CDH13: variants seen among roughly 807,000 people sequenced by gnomAD.
The protein encoded by CDH13 is cadherin 13, also known as cadherin-13.
A neutral mutation model predicts 63.8 loss-of-function variants in CDH13; 24 were observed. That is an observed-to-expected ratio of 0.38 (90% CI 0.27 to 0.53). The LOEUF (loss-of-function observed/expected upper bound fraction) is 0.53. Among genes scored for constraint, CDH13 ranks in the 20% least tolerant of loss-of-function variants. The probability of loss-of-function intolerance (pLI) is 0.85; values close to 1 mark genes in which losing one functional copy is unlikely to be tolerated. For synonymous variants in CDH13, 503 were observed against 355.3 expected (o/e 1.42, Z -4.67); for missense variants, 1,049 against 903.1 (o/e 1.16, Z -2.07).
intron 1 of CDH13, among the ~76,000 whole-genome samples, chr16:82,701,414 A>T (rs2150991580): frequency 1.3e-5 from 2 of 152,206 alleles, no homozygotes; most frequent in East Asian, 3.9e-4. Flanking sequence ...TGGGTGTTTG[A>T]CATGCATTGT....
chr16:82,934,180 A>G (rs2042592004), intron 2 of CDH13, among the ~76,000 whole-genome samples: 1 of 152,236 alleles, frequency 6.6e-6, no homozygotes, highest in Admixed American at 6.5e-5. Context: ...CTGGACATCC[A>G]GGCATTTCCA....
chr16:82,921,933 AT>A (rs2042168606), intron 2 of CDH13, among the ~76,000 whole-genome samples: 1 of 151,990 alleles, frequency 6.6e-6, no homozygotes, highest in African/African-American at 2.4e-5. Flanking sequence ...TATTATTATT[AT>A]TTGTTTTTAA....
intron 2 of CDH13, among the ~76,000 whole-genome samples, chr16:82,975,166 G>C (rs528719363): frequency 2.0e-4 from 30 of 152,378 alleles, no homozygotes; most frequent in Non-Finnish European, 4.4e-5. Context: ...TGGTTGAGGT[G>C]AGATGGGGGA....
rs115788961 is a variant in CDH13, at chr16:83,081,751, G to A, written c.367-43634G>A. Among the ~76,000 whole-genome samples the A allele has an allele frequency of 3.8e-3, 572 of 152,122 alleles. 6 individuals are homozygous for A. Among genetic ancestry groups the A allele is most frequent in the African/African-American group, 0.013 (538 of 41,492 alleles). On this transcript the variant is annotated intron_variant, in intron 3 of 13. Transcript: ENST00000567109. ...CTCGCAAGGATCATCTCCTTAGAAT[G>A]GTACTAATTCCATCATCGGGTTCCA... is the stretch of plus-strand genomic sequence containing the variant.
rs146073702 is a variant in CDH13, at chr16:82,828,707, T to C, written c.46-29655T>C. On this transcript the variant is annotated intron_variant, in intron 1 of 13. Transcript: ENST00000567109. ...ACACAAACATATATATATACATATA[T>C]ACACACACACATTCAAAGAAAAAAT... Among the ~76,000 whole-genome samples the C allele has an allele frequency of 6.0e-3, 911 of 151,950 alleles. 20 individuals are homozygous for C. Among genetic ancestry groups the C allele is most frequent in the African/African-American group, 0.021 (873 of 41,410 alleles).
At chr16:83,157,647 C>A (rs376746643) in intron 4 of CDH13, among the ~76,000 whole-genome samples, 1 of 151,050 alleles carries the variant, frequency 6.6e-6, no homozygotes, top group African/African-American at 2.4e-5. Flanking sequence ...GTCATCCCAG[C>A]GCTTTGGGAG....
At chr16:83,357,186 C>T (rs1002988560) in intron 6 of CDH13, among the ~76,000 whole-genome samples, 2 of 152,176 alleles carry the variant, frequency 1.3e-5, no homozygotes, top group Non-Finnish European at 2.9e-5. Context: ...GACTCCAGAG[C>T]TGCTTTGCCA....
chr16:83,108,133 T>C (rs565631825), intron 3 of CDH13, among the ~76,000 whole-genome samples: 1 of 152,198 alleles, frequency 6.6e-6, no homozygotes, highest in East Asian at 1.9e-4. Flanking sequence ...TCTTTTTCTT[T>C]TTATCTCTTT....
At chr16:82,866,034 G>T (rs1182689853) in intron 2 of CDH13, among the ~76,000 whole-genome samples, 1 of 152,048 alleles carries the variant, frequency 6.6e-6, no homozygotes, top group South Asian at 2.1e-4. Context: ...AGATCACTAG[G>T]GCAGGGGCAA....
intron 5 of CDH13, among the ~76,000 whole-genome samples, chr16:83,266,928 C>G (rs1172639680): frequency 2.6e-5 from 4 of 152,188 alleles, no homozygotes; most frequent in Non-Finnish European, 5.9e-5. Context: ...CAGCTGAGCC[C>G]TCAGCCTATT....
chr16:83,140,276 T>C (rs1156323544), intron 4 of CDH13, among the ~76,000 whole-genome samples: 1 of 152,158 alleles, frequency 6.6e-6, no homozygotes, highest in Non-Finnish European at 1.5e-5. Context: ...CATGACCATC[T>C]TGTGCTCATG....
chr16:83,265,550 T>C (rs1278678343), intron 5 of CDH13, among the ~76,000 whole-genome samples: 1 of 152,138 alleles, frequency 6.6e-6, no homozygotes, highest in Non-Finnish European at 1.5e-5. Context: ...TGTATTATTG[T>C]TTAATCTTTG....
intron 8 of CDH13, among the ~76,000 whole-genome samples, chr16:83,634,614 T>A (rs1019939909): frequency 4.6e-5 from 7 of 152,110 alleles, no homozygotes; most frequent in African/African-American, 1.4e-4. Flanking sequence ...TTGGCCAGGT[T>A]GGTCTTGAAC....
intron 2 of CDH13, among the ~76,000 whole-genome samples, chr16:82,928,870 T>C (rs2151291781): frequency 6.6e-6 from 1 of 152,354 alleles, no homozygotes. Context: ...CTTTTCTTCT[T>C]ATGTCCATTC....
At chr16:83,593,373 T>C (rs1300415806) in intron 7 of CDH13, among the ~76,000 whole-genome samples, 2 of 152,188 alleles carry the variant, frequency 1.3e-5, no homozygotes, top group Non-Finnish European at 2.9e-5. Flanking sequence ...CTGGAGCCCA[T>C]TCTCACTGGC....
At chr16:83,018,047 A>C (rs1275286610) in intron 2 of CDH13, among the ~76,000 whole-genome samples, 1 of 152,240 alleles carries the variant, frequency 6.6e-6, no homozygotes, top group African/African-American at 2.4e-5. Context: ...TTAAAAAAAT[A>C]CAGTAATCAA....
intron 7 of CDH13, among the ~76,000 whole-genome samples, chr16:83,532,378 A>C (rs1264499487): frequency 1.3e-5 from 2 of 152,218 alleles, no homozygotes; most frequent in South Asian, 2.1e-4. Context: ...CATTCATTGC[A>C]CTTGGGACTA....
At chr16:83,574,395 C>A (rs1282858610) in intron 7 of CDH13, among the ~76,000 whole-genome samples, 1 of 152,118 alleles carries the variant, frequency 6.6e-6, no homozygotes, top group African/African-American at 2.4e-5. Context: ...CCCTCCAGGC[C>A]CTCAGTGGTG....
intron 2 of CDH13, among the ~76,000 whole-genome samples, chr16:82,880,888 G>A (rs935116107): frequency 6.6e-6 from 1 of 152,158 alleles, no homozygotes; most frequent in Non-Finnish European, 1.5e-5. Context: ...GTTACCATTT[G>A]TAAATCAGAT....
Sources: allele counts gnomAD v4.1 joint callset (sites outside exome capture counted in the v4.1 genomes callset), GRCh38; gene constraint gnomAD v4.1.1; transcripts MANE v1.5; gene names NCBI Gene and HGNC (gene_info 2026-07-23, HGNC 2026-07-21).